The following EPHA6 variants were observed in gnomAD, a reference collection of about 807,000 sequenced individuals.
EPHA6 encodes ephrin type-A receptor 6.
A neutral mutation model predicts 112.0 loss-of-function variants in EPHA6; 50 were observed. The observed-to-expected ratio is 0.45, with a 90% CI of 0.36 to 0.56. EPHA6 has a LOEUF of 0.56. EPHA6 is among the 20% of genes least tolerant of loss of function. The pLI is 0.00. For missense variants in EPHA6, 1,280 were observed against 1,417.4 expected, an observed-to-expected ratio of 0.90 and a Z score of 1.56; for synonymous variants, 529 against 490.7, an observed-to-expected ratio of 1.08 and a Z score of -1.03.
intron 8 of EPHA6, among the ~76,000 whole-genome samples, chr3:97,477,737 G>T (rs2091418846): frequency 6.6e-6 from 1 of 151,926 alleles, no homozygotes; most frequent in African/African-American, 2.4e-5. Context: ...CATTAATGCT[G>T]CCCATGCATT....
At chr3:97,379,751 C>CAAAAAA (rs71623570) in intron 5 of EPHA6, among the ~76,000 whole-genome samples, 2 of 30,540 alleles carry the variant, frequency 6.5e-5, no homozygotes, top group Admixed American at 5.4e-4. Flanking sequence ...TCTGTCTCCC[C>CAAAAAA]AAAAAAAAAA....
At chr3:97,636,513 A>G (rs1274640540) in intron 13 of EPHA6, among the ~76,000 whole-genome samples, 2 of 152,092 alleles carry the variant, frequency 1.3e-5, no homozygotes, top group African/African-American at 4.8e-5. Flanking sequence ...TGTTTTTTTA[A>G]GAGAGGGTTC....
intron 3 of EPHA6, among the ~76,000 whole-genome samples, chr3:96,992,440 T>TA (rs1433206701): frequency 6.6e-6 from 1 of 152,168 alleles, no homozygotes; most frequent in African/African-American, 2.4e-5. Flanking sequence ...TTTCCTGTCT[T>TA]ATCTGAGGTC....
chr3:96,897,078 A>G (rs1040997530), intron 2 of EPHA6, among the ~76,000 whole-genome samples: 8 of 141,414 alleles, frequency 5.7e-5, no homozygotes, highest in Admixed American at 7.4e-5. Flanking sequence ...ATGCTAATAC[A>G]TCTTTAACAA....
At chr3:96,946,395 A>G (rs1057380848) in intron 2 of EPHA6, among the ~76,000 whole-genome samples, 8 of 151,792 alleles carry the variant, frequency 5.3e-5, no homozygotes, top group African/African-American at 1.7e-4. Flanking sequence ...TCATTGTTCA[A>G]TTCCCACTTA....
intron 4 of EPHA6, among the ~76,000 whole-genome samples, chr3:97,231,382 A>G (rs1236724321): frequency 6.6e-6 from 1 of 152,154 alleles, no homozygotes; most frequent in African/African-American, 2.4e-5. Context: ...CTCAGAGCGA[A>G]TCTTGGTGAT....
At chr3:97,299,093 T>A (rs2080988487) in intron 5 of EPHA6, among the ~76,000 whole-genome samples, 1 of 152,106 alleles carries the variant, frequency 6.6e-6, no homozygotes, top group Non-Finnish European at 1.5e-5. Context: ...ATAGAATGTT[T>A]CTGGATTTAT....
At position 97,455,839 on chromosome 3, in the gene EPHA6, G is replaced by A. The variant is rs573926367; in HGVS notation, c.1894+7109G>A. ...AGAAAGTAGAAGTCGCCCTTCAAGA[G>A]AGACTGAATTGACAAAAAAAAAAAA... On this transcript the variant is annotated intron_variant, in intron 7 of 17. Coordinates refer to ENST00000389672, the MANE Select transcript of EPHA6 (RefSeq NM_001080448.3). 9.0e-4 allele frequency among the ~76,000 whole-genome samples: 136 copies of A among 150,856 alleles called. 1 individual carries two copies. The highest frequency in any genetic ancestry group is 9.7e-4 in the East Asian group (5 of 5,138).
At chr3:97,481,665 C>A (rs897388707) in intron 9 of EPHA6, among the ~76,000 whole-genome samples, 1 of 151,732 alleles carries the variant, frequency 6.6e-6, no homozygotes, top group Admixed American at 6.6e-5. Context: ...CTGCCTTCAA[C>A]GGCCGCCCGG....
chr3:96,915,146 G>A (rs2039423484), intron 2 of EPHA6, among the ~76,000 whole-genome samples: 1 of 151,812 alleles, frequency 6.6e-6, no homozygotes, highest in Non-Finnish European at 1.5e-5. Context: ...TCATTTTAAA[G>A]GGAAACATGG....
chr3:96,959,848 T>C (rs2041895812), intron 2 of EPHA6, among the ~76,000 whole-genome samples: 1 of 151,812 alleles, frequency 6.6e-6, no homozygotes, highest in African/African-American at 2.4e-5. Context: ...TAGAGAAAAT[T>C]TACTTAATAT....
chr3:97,210,476 G>A (rs77096835), intron 3 of EPHA6, among the ~76,000 whole-genome samples: 7,844 of 152,134 alleles, frequency 0.052, 693 homozygotes, highest in African/African-American at 0.18. Context: ...GGGGATGATG[G>A]GGATTACAGT....
chr3:97,258,329 T>A (rs543382070), intron 5 of EPHA6, among the ~76,000 whole-genome samples: 1 of 151,888 alleles, frequency 6.6e-6, no homozygotes, highest in East Asian at 1.9e-4. Context: ...ATACTCACAG[T>A]GGAACCTTTT....
intron 14 of EPHA6, among the ~76,000 whole-genome samples, chr3:97,673,746 C>A (rs372952486): frequency 1.3e-5 from 2 of 152,194 alleles, no homozygotes; most frequent in Admixed American, 1.3e-4. Flanking sequence ...GGACTCAATG[C>A]GCTTCTGAGG....
chr3:97,128,926 T>C (rs2048260008), intron 3 of EPHA6, among the ~76,000 whole-genome samples: 1 of 147,990 alleles, frequency 6.8e-6, no homozygotes, highest in Non-Finnish European at 1.5e-5. Context: ...CAGGCTGAAG[T>C]GCAGTGGTGC....
At chr3:97,220,875 T>C (rs947751344) in intron 3 of EPHA6, among the ~76,000 whole-genome samples, 7 of 152,174 alleles carry the variant, frequency 4.6e-5, no homozygotes, top group Admixed American at 2.0e-4. Context: ...TATTTAGAAA[T>C]GTAACTTGCA....
chr3:96,942,009 T>A (rs111920948), intron 2 of EPHA6, among the ~76,000 whole-genome samples: 2,058 of 152,250 alleles, frequency 0.014, 50 homozygotes, highest in African/African-American at 0.045. Flanking sequence ...TCGTGTGAGG[T>A]GTCAGTCTGC....
chr3:97,153,139 C>A (rs2076207678), intron 3 of EPHA6, among the ~76,000 whole-genome samples: 1 of 152,100 alleles, frequency 6.6e-6, no homozygotes, highest in Admixed American at 6.6e-5. Flanking sequence ...GTACCTATAA[C>A]TCTGTCAGTT....
intron 11 of EPHA6, among the ~76,000 whole-genome samples, chr3:97,555,702 T>G (rs998400893): frequency 5.9e-5 from 9 of 152,078 alleles, no homozygotes; most frequent in Non-Finnish European, 1.2e-4. Flanking sequence ...TTTTCATGTG[T>G]TTTTTGGCTG....
Sources: allele counts gnomAD v4.1 joint callset (sites outside exome capture counted in the v4.1 genomes callset), GRCh38; gene constraint gnomAD v4.1.1; transcripts MANE v1.5; gene names NCBI Gene and HGNC (gene_info 2026-07-23, HGNC 2026-07-21).